CTNNA3: variants seen among roughly 807,000 people sequenced by gnomAD.
CTNNA3 encodes catenin alpha-3.
Under a neutral mutation model 95.7 loss-of-function variants are expected in CTNNA3, and 76 were observed. The ratio of observed to expected loss-of-function variants is 0.79; its 90% confidence interval spans 0.66 to 0.96. The LOEUF is 0.96. Ranked by LOEUF, CTNNA3 falls within the 40% of genes least tolerant of loss-of-function variation. The pLI, the probability that CTNNA3 is intolerant of heterozygous loss-of-function variation, is 0.00. For synonymous variants in CTNNA3, 431 were observed against 374.4 expected, an observed-to-expected ratio of 1.15 and a Z score of -1.74; for missense variants, 1,191 against 1,089.8, an observed-to-expected ratio of 1.09 and a Z score of -1.31.
At chr10:67,560,362 C>A (rs1268214258) in intron 3 of CTNNA3, among the ~76,000 whole-genome samples, 4 of 151,770 alleles carry the variant, frequency 2.6e-5, no homozygotes, top group African/African-American at 9.7e-5. Flanking sequence ...AATTTTCAAC[C>A]CAGAATTTCA....
chr10:67,369,573 A>G (rs553334020), intron 5 of CTNNA3, among the ~76,000 whole-genome samples: 1 of 152,336 alleles, frequency 6.6e-6, no homozygotes, highest in African/African-American at 2.4e-5. Flanking sequence ...CAATCTGGAA[A>G]AAGTGTAATT....
At chr10:66,447,197 T>C (rs368499296) in intron 11 of CTNNA3, among the ~76,000 whole-genome samples, 15 of 152,092 alleles carry the variant, frequency 9.9e-5, no homozygotes, top group Non-Finnish European at 1.5e-4. Context: ...AATGGAAGAA[T>C]ATTCCATGCT....
chr10:67,501,282 A>C (rs1031958438), intron 5 of CTNNA3, among the ~76,000 whole-genome samples: 10 of 152,188 alleles, frequency 6.6e-5, no homozygotes, highest in Non-Finnish European at 1.3e-4. Context: ...ATAATGTTGA[A>C]TATTGGCCCC....
intron 13 of CTNNA3, among the ~76,000 whole-genome samples, chr10:66,233,187 A>T (rs1187393147): frequency 7.8e-6 from 1 of 128,988 alleles, no homozygotes; most frequent in Non-Finnish European, 1.7e-5. Context: ...AAAAAAAAAA[A>T]AAAATTTCAG....
intron 5 of CTNNA3, among the ~76,000 whole-genome samples, chr10:67,375,505 C>T (rs369706055): frequency 2.6e-5 from 4 of 151,934 alleles, no homozygotes; most frequent in Non-Finnish European, 4.4e-5. Flanking sequence ...CCCAGCTACT[C>T]GGGAAGCTGA....
intron 1 of CTNNA3, among the ~76,000 whole-genome samples, chr10:67,760,871 A>G (rs1841458413): frequency 6.6e-6 from 1 of 152,176 alleles, no homozygotes; most frequent in Non-Finnish European, 1.5e-5. Context: ...CAGGAAAACA[A>G]GCTCAGGGCT....
intron 7 of CTNNA3, among the ~76,000 whole-genome samples, chr10:66,948,289 GA>G (rs1175873076): frequency 6.6e-6 from 1 of 152,138 alleles, no homozygotes. Flanking sequence ...CATGTACAAA[GA>G]AAGTTTTAAT....
chr10:67,566,006 T>C (rs1221418632), intron 3 of CTNNA3, among the ~76,000 whole-genome samples: 1 of 108,384 alleles, frequency 9.2e-6, no homozygotes, highest in Non-Finnish European at 1.8e-5. Context: ...TATATATATA[T>C]ACACACACAA....
intron 11 of CTNNA3, among the ~76,000 whole-genome samples, chr10:66,396,284 A>G (rs1263071409): frequency 1.3e-5 from 2 of 152,016 alleles, no homozygotes; most frequent in African/African-American, 4.8e-5. Context: ...AACTATACTT[A>G]TTTAGATATT....
At chr10:66,261,932 C>A (rs537249782) in intron 13 of CTNNA3, among the ~76,000 whole-genome samples, 101 of 152,090 alleles carry the variant, frequency 6.6e-4, no homozygotes, top group Non-Finnish European at 1.0e-3. Context: ...AAAAACCCAG[C>A]CCCAAACTAC....
intron 7 of CTNNA3, among the ~76,000 whole-genome samples, chr10:66,830,168 C>T (rs368020991): frequency 7.6e-4 from 115 of 152,250 alleles, no homozygotes; most frequent in African/African-American, 2.6e-3. Flanking sequence ...CTCAAAATCT[C>T]TCATGTCTAT....
At chr10:67,022,010 C>T (rs1435222351) in intron 7 of CTNNA3, among the ~76,000 whole-genome samples, 1 of 152,158 alleles carries the variant, frequency 6.6e-6, no homozygotes, top group African/African-American at 2.4e-5. Context: ...ATTGTTAAGT[C>T]GCAATAGACC....
At chr10:66,635,023 A>T (rs1027062660) in intron 9 of CTNNA3, among the ~76,000 whole-genome samples, 2 of 152,108 alleles carry the variant, frequency 1.3e-5, no homozygotes, top group African/African-American at 4.8e-5. Flanking sequence ...TTTAGTTTGG[A>T]ACAATATATA....
intron 15 of CTNNA3, among the ~76,000 whole-genome samples, chr10:66,036,532 G>A (rs553937946): frequency 6.6e-6 from 1 of 151,930 alleles, no homozygotes; most frequent in East Asian, 1.9e-4. Context: ...GTACCACCAC[G>A]CCCTGCTAAT....
At position 66,013,150 on chromosome 10, in the gene CTNNA3, C is replaced by T. The variant is rs116082349; in HGVS notation, c.2160-24353G>A. On this transcript the variant is annotated intron_variant, in intron 15 of 17. Transcript: ENST00000433211. ...TCCTGACCTTGGGTGATCCACCTGC[C>T]TTGGGTTCCCAAAGTGCTAGGATTA... Among the ~76,000 whole-genome samples the T allele has an allele frequency of 5.2e-3, 787 of 152,318 alleles. 8 individuals carry two copies. The highest frequency in any genetic ancestry group is 0.018 in the African/African-American group (729 of 41,554).
At chr10:66,171,109 G>A (rs1210030481) in intron 13 of CTNNA3, among the ~76,000 whole-genome samples, 3 of 151,936 alleles carry the variant, frequency 2.0e-5, no homozygotes, top group Admixed American at 1.3e-4. Context: ...CTCCAACCTG[G>A]GCGACAGAGG....
chr10:66,559,936 AT>A (rs1166436344), intron 10 of CTNNA3, among the ~76,000 whole-genome samples: 2 of 152,054 alleles, frequency 1.3e-5, no homozygotes, highest in African/African-American at 4.8e-5. Context: ...ATCATAATCT[AT>A]TTCTGTTCAT....
chr10:65,958,435 A>G (rs1430079950), intron 17 of CTNNA3, among the ~76,000 whole-genome samples: 2 of 152,084 alleles, frequency 1.3e-5, no homozygotes, highest in Admixed American at 6.5e-5. Flanking sequence ...ATTGCTGGTG[A>G]GGCGCTGCGT....
At chr10:67,189,456 TGA>T (rs1863019450) in intron 6 of CTNNA3, among the ~76,000 whole-genome samples, 1 of 152,040 alleles carries the variant, frequency 6.6e-6, no homozygotes, top group African/African-American at 2.4e-5. Context: ...TGAAAATTGC[TGA>T]GAGTAGATAT....
Sources: gnomAD v4.1 joint callset for allele counts (sites outside exome capture counted in the v4.1 genomes callset) on GRCh38, gnomAD v4.1.1 for gene constraint, MANE v1.5 for transcripts, NCBI Gene and HGNC (gene_info 2026-07-23, HGNC 2026-07-21) for gene names.